GRM7: variants seen among roughly 807,000 people sequenced by gnomAD.
The protein encoded by GRM7 is metabotropic glutamate receptor 7.
GRM7 carries 35 observed loss-of-function variants against 84.5 expected under a neutral mutation model. The ratio of observed to expected loss-of-function variants is 0.41; its 90% CI spans 0.32 to 0.55. The LOEUF is 0.55. Ranked by LOEUF, GRM7 falls within the 20% of genes least tolerant of loss-of-function variation. The probability of loss-of-function intolerance (pLI) is 0.19; values close to 1 mark genes in which losing one functional copy is unlikely to be tolerated. For missense variants in GRM7, 1,003 were observed against 1,194.6 expected (o/e 0.84, Z 2.36); for synonymous variants, 487 against 455.1 (o/e 1.07, Z -0.89).
At chr3:7,351,038 A>G (rs1338223920) in intron 4 of GRM7, among the ~76,000 whole-genome samples, 1 of 152,108 alleles carries the variant, frequency 6.6e-6, no homozygotes, top group Admixed American at 6.6e-5. Context: ...GAGGTTGCTA[A>G]AACCCTAAAA....
intron 7 of GRM7, among the ~76,000 whole-genome samples, chr3:7,492,606 T>G (rs2124952531): frequency 6.6e-6 from 1 of 152,262 alleles, no homozygotes; most frequent in South Asian, 2.1e-4. Flanking sequence ...TATATGAGTT[T>G]TGTGATAATT....
intron 5 of GRM7, among the ~76,000 whole-genome samples, chr3:7,438,686 A>G (rs1480550809): frequency 6.6e-6 from 1 of 151,680 alleles, no homozygotes. Context: ...ACACCAAACC[A>G]CCCTCCTGCC....
intron 1 of GRM7, among the ~76,000 whole-genome samples, chr3:6,994,550 A>C (rs1694765450): frequency 6.6e-6 from 1 of 152,174 alleles, no homozygotes; most frequent in Non-Finnish European, 1.5e-5. Context: ...CTCAATGCTT[A>C]AGGTAGAAAG....
intron 4 of GRM7, among the ~76,000 whole-genome samples, chr3:7,367,656 A>G (rs1287979905): frequency 6.6e-6 from 1 of 151,912 alleles, no homozygotes; most frequent in Non-Finnish European, 1.5e-5. Flanking sequence ...AATTCTTCCA[A>G]TATCTTATTA....
At chr3:7,488,489 G>A (rs560554136) in intron 7 of GRM7, among the ~76,000 whole-genome samples, 11 of 152,180 alleles carry the variant, frequency 7.2e-5, no homozygotes, top group Non-Finnish European at 1.5e-4. Context: ...ACAGGAGTGA[G>A]TGAGTCCTCA....
intron 7 of GRM7, among the ~76,000 whole-genome samples, chr3:7,488,020 A>G (rs939763686): frequency 6.6e-6 from 1 of 152,186 alleles, no homozygotes; most frequent in African/African-American, 2.4e-5. Flanking sequence ...AAGGTGGCAC[A>G]TGGAGTGAAA....
intron 1 of GRM7, among the ~76,000 whole-genome samples, chr3:7,046,976 C>A (rs1198618098): frequency 6.6e-6 from 1 of 151,920 alleles, no homozygotes; most frequent in Non-Finnish European, 1.5e-5. Flanking sequence ...ACACTGAAAA[C>A]AGGAAGGGGA....
At chr3:7,430,933 T>G (rs1325076225) in intron 5 of GRM7, among the ~76,000 whole-genome samples, 4 of 152,180 alleles carry the variant, frequency 2.6e-5, no homozygotes, top group Non-Finnish European at 5.9e-5. Context: ...AGCCCAGAGT[T>G]TGACTGATGT....
chr3:7,400,187 C>G (rs1356482674), intron 4 of GRM7, among the ~76,000 whole-genome samples: 1 of 152,160 alleles, frequency 6.6e-6, no homozygotes, highest in African/African-American at 2.4e-5. Flanking sequence ...GGCATCTTCC[C>G]TGGCAGAACC....
At chr3:7,154,186 A>G (rs959943096) in intron 2 of GRM7, among the ~76,000 whole-genome samples, 1 of 152,192 alleles carries the variant, frequency 6.6e-6, no homozygotes, top group Non-Finnish European at 1.5e-5. Flanking sequence ...AACCAAGAAC[A>G]TCGGGTTCTG....
At chr3:7,685,320 G>T (rs1000564510) in intron 9 of GRM7, among the ~76,000 whole-genome samples, 3 of 152,138 alleles carry the variant, frequency 2.0e-5, no homozygotes, top group African/African-American at 7.2e-5. Flanking sequence ...GAGAGGCCTG[G>T]CCCTAAGCTA....
At chr3:6,981,288 C>T (rs1694189770) in intron 1 of GRM7, among the ~76,000 whole-genome samples, 1 of 152,146 alleles carries the variant, frequency 6.6e-6, no homozygotes, top group South Asian at 2.1e-4. Flanking sequence ...CACGCACTGT[C>T]TAAAATTAGG....
chr3:7,699,322 G>T (rs1005469442), intron 9 of GRM7, among the ~76,000 whole-genome samples: 5 of 152,130 alleles, frequency 3.3e-5, no homozygotes, highest in African/African-American at 1.2e-4. Context: ...ATCTCTACAG[G>T]AATATTTACT....
intron 2 of GRM7, among the ~76,000 whole-genome samples, chr3:7,233,256 C>A (rs1403655627): frequency 6.6e-6 from 1 of 152,070 alleles, no homozygotes; most frequent in Non-Finnish European, 1.5e-5. Context: ...CTGCTTATTG[C>A]AGCTTTCCAA....
At chr3:7,501,632 C>T (rs955597130) in intron 7 of GRM7, among the ~76,000 whole-genome samples, 6 of 152,172 alleles carry the variant, frequency 3.9e-5, no homozygotes, top group Non-Finnish European at 8.8e-5. Flanking sequence ...TTCTTATCGA[C>T]TACACTAAGC....
At chr3:7,684,117 C>T (rs927492181) in intron 9 of GRM7, among the ~76,000 whole-genome samples, 1 of 152,144 alleles carries the variant, frequency 6.6e-6, no homozygotes. Flanking sequence ...GTGAAAAATT[C>T]AATTAATAAA....
At chr3:7,351,456 T>C (rs1693144373) in intron 4 of GRM7, among the ~76,000 whole-genome samples, 1 of 151,886 alleles carries the variant, frequency 6.6e-6, no homozygotes, top group South Asian at 2.1e-4. Flanking sequence ...TAAGTCACAT[T>C]GTCTGTGATG....
At chr3:7,626,281 G>A (rs916471402) in intron 8 of GRM7, among the ~76,000 whole-genome samples, 1 of 152,114 alleles carries the variant, frequency 6.6e-6, no homozygotes, top group African/African-American at 2.4e-5. Flanking sequence ...CAGTTCTATG[G>A]AGTAAGTAGA....
chr3:7,201,807 G>T (rs1696077633), intron 2 of GRM7, among the ~76,000 whole-genome samples: 1 of 152,122 alleles, frequency 6.6e-6, no homozygotes, highest in Admixed American at 6.5e-5. Context: ...CTTGGAAATA[G>T]GATGTGGGCA....
Sources: allele counts gnomAD v4.1 joint callset (sites outside exome capture counted in the v4.1 genomes callset), GRCh38; gene constraint gnomAD v4.1.1; transcripts MANE v1.5; gene names NCBI Gene and HGNC (gene_info 2026-07-23, HGNC 2026-07-21).